Variants in RYR3 observed in about 807,000 individuals in gnomAD.
RYR3 encodes brain ryanodine receptor-calcium release channel.
RYR3 carries 207 observed loss-of-function variants against 584.3 expected under a neutral mutation model. The ratio of observed to expected loss-of-function variants is 0.35; its 90% confidence interval spans 0.32 to 0.40. The LOEUF (loss-of-function observed/expected upper bound fraction) is 0.40. RYR3 is among the 10% of genes least tolerant of loss of function. The pLI is 1.00. For synonymous variants in RYR3, 2,416 were observed against 2,248.5 expected, an observed-to-expected ratio of 1.07 and a Z score of -2.11; for missense variants, 5,616 against 6,089.2, an observed-to-expected ratio of 0.92 and a Z score of 2.59.
intron 84 of RYR3, 63 bp downstream of exon 84, chr15:33,826,815 C>A (rs936289147): frequency 1.7e-6 from 2 of 1,162,542 alleles, no homozygotes; most frequent in African/African-American, 1.5e-5. Flanking sequence ...GAATTCCGTT[C>A]AGTATGCCCC....
At chr15:33,508,518 C>T (rs544948963) in intron 3 of RYR3, among the ~76,000 whole-genome samples, 24 of 152,124 alleles carry the variant, frequency 1.6e-4, no homozygotes, top group African/African-American at 4.3e-4. Flanking sequence ...GGCATGGTGG[C>T]GGGCGCCTGT....
rs201722249 is a variant in RYR3 at position 33,539,302 on chromosome 15, A to G, written c.434-48A>G. 1.2e-5 allele frequency: 15 copies of G among 1,242,508 alleles called. No homozygotes were observed. In the Admixed American group the frequency reaches 2.4e-4, roughly 20 times the overall value. 77.0% of individuals were successfully genotyped at this position (1,242,508 alleles called of 1,614,324 possible). A position where few individuals can be genotyped will look rare whatever the true frequency, so the allele number is the denominator to read the frequency against. ...AGGAGAACAAGGAGCAAAATTAGGG[A>G]CACTGGCTTCTGTGAAGCAATGACT... On this transcript the variant is annotated intron_variant, in intron 5 of 103. Transcript: ENST00000634891.
chr15:33,704,620 T>C (rs115185193), intron 42 of RYR3, among the ~76,000 whole-genome samples: 3,296 of 152,330 alleles, frequency 0.022, 131 homozygotes, highest in African/African-American at 0.076. Flanking sequence ...CTCAGTGTTT[T>C]AGGTGGTATG....
Position 33,603,206 on chromosome 15 carries a change from T to C in RYR3, c.2006T>C (p.Val669Ala), listed in dbSNP as rs1454342365. The change falls in exon 18 of 104, where the codon GTG (valine) becomes GCG (alanine). Residue 669 changes from valine (V) to alanine (A), a missense_variant. Val to Ala is a moderately conservative substitution (Grantham distance 64). Coordinates refer to ENST00000634891, the MANE Select transcript of RYR3 (RefSeq NM_001036.6). ...TACTTCGAGCTGATTATCGACCAGG[T>C]GGACCCCTTCCTAACAGCAGAGCCC... is the stretch of plus-strand genomic sequence containing the variant. ...KWYFELIIDQ[V>A]DPFLTAEPTH... 1 of 1,613,766 alleles carries C rather than the reference T, an allele frequency of 6.2e-7. No homozygotes were observed. Among genetic ancestry groups the C allele is most frequent in the Non-Finnish European group, 8.5e-7 (1 of 1,179,854 alleles).
intron 32 of RYR3, among the ~76,000 whole-genome samples, chr15:33,653,446 G>A (rs1010424214): frequency 1.6e-4 from 24 of 152,126 alleles, no homozygotes; most frequent in Admixed American, 1.5e-3. Flanking sequence ...CCGAGGCGGG[G>A]GGATCATGAG....
chr15:33,328,144 A>G (rs146014377), intron 1 of RYR3, among the ~76,000 whole-genome samples: 1 of 152,368 alleles, frequency 6.6e-6, no homozygotes, highest in African/African-American at 2.4e-5. Context: ...CATATGCAGA[A>G]CAACCTAATA....
At chr15:33,864,738 CATTCAATGGG>C in intron 103 of RYR3, 1 of 190,048 alleles carries the variant, frequency 5.3e-6, no homozygotes. Context: ...ACAGTTCACT[CATTCAATGGG>C]AGAGGTACCT....
At chr15:33,735,530 T>G (rs2069375085) in intron 48 of RYR3, among the ~76,000 whole-genome samples, 1 of 152,236 alleles carries the variant, frequency 6.6e-6, no homozygotes, top group African/African-American at 2.4e-5. Flanking sequence ...TGTGTTTATG[T>G]GTGTACACCT....
At chr15:33,348,939 G>A (rs902842589) in intron 1 of RYR3, among the ~76,000 whole-genome samples, 6 of 151,628 alleles carry the variant, frequency 4.0e-5, no homozygotes, top group African/African-American at 1.5e-4. Context: ...TCCTCCCCCC[G>A]ACACCCTGGC....
chr15:33,549,984 G>T (rs1418078863), intron 9 of RYR3, among the ~76,000 whole-genome samples, 176 bp from the exon 10 acceptor site: 1 of 152,210 alleles, frequency 6.6e-6, no homozygotes, highest in East Asian at 1.9e-4. Context: ...GCACTATGCT[G>T]GGTTGTAGGC....
At chr15:33,780,746 A>T (rs937501966) in intron 65 of RYR3, among the ~76,000 whole-genome samples, 2 of 152,176 alleles carry the variant, frequency 1.3e-5, no homozygotes, top group Admixed American at 6.5e-5. Flanking sequence ...CTTCAAGTCC[A>T]TGGAGAGGCG....
At chr15:33,427,515 G>A (rs2044747522) in intron 1 of RYR3, among the ~76,000 whole-genome samples, 1 of 152,126 alleles carries the variant, frequency 6.6e-6, no homozygotes, top group Non-Finnish European at 1.5e-5. Flanking sequence ...TATATGTTAT[G>A]GGTATTCTCT....
rs1890140295 is a variant in RYR3, at chr15:33,865,330, A to G, written c.*104A>G. The G allele has an allele frequency of 1.3e-6, 1 of 790,482 alleles. No individual in the cohort carries two copies. 49.0% of individuals were successfully genotyped at this position (790,482 alleles called of 1,614,324 possible). On this transcript the variant is annotated 3_prime_UTR_variant, in exon 104 of 104. Coordinates refer to ENST00000634891, the MANE Select transcript of RYR3 (RefSeq NM_001036.6). Reference sequence around the variant, plus strand: ...ATATCTGAAATGTGACATTTTCTAAATGCCTCCCTTAAAAAAAAAACTGCT... The same window carrying G: ...ATATCTGAAATGTGACATTTTCTAAGTGCCTCCCTTAAAAAAAAAACTGCT...
chr15:33,401,564 A>G (rs144801756), intron 1 of RYR3, among the ~76,000 whole-genome samples: 86 of 152,360 alleles, frequency 5.6e-4, no homozygotes, highest in African/African-American at 1.9e-3. Context: ...AATTTTTTAC[A>G]TGGAAAAACA....
intron 1 of RYR3, among the ~76,000 whole-genome samples, chr15:33,379,643 ATGTG>A (rs147989530): frequency 1.5e-5 from 2 of 133,200 alleles, no homozygotes; most frequent in East Asian, 2.1e-4. Flanking sequence ...ATTTATGTGT[ATGTG>A]TGTGTGTGTG....
intron 3 of RYR3, among the ~76,000 whole-genome samples, chr15:33,504,856 T>C (rs1199963732): frequency 6.6e-6 from 1 of 152,180 alleles, no homozygotes; most frequent in Non-Finnish European, 1.5e-5. Flanking sequence ...ACAGCTTCCC[T>C]CCTCCTCTCT....
chr15:33,384,029 A>G (rs2041392741), intron 1 of RYR3, among the ~76,000 whole-genome samples: 1 of 152,156 alleles, frequency 6.6e-6, no homozygotes, highest in Non-Finnish European at 1.5e-5. Flanking sequence ...TAAATACCAC[A>G]TGTTGTCACT....
intron 1 of RYR3, among the ~76,000 whole-genome samples, chr15:33,430,852 G>A (rs2045081568): frequency 6.6e-6 from 1 of 152,192 alleles, no homozygotes; most frequent in Non-Finnish European, 1.5e-5. Flanking sequence ...CTCTGGGGGT[G>A]AGAGATGTCT....
chr15:33,568,578 A>G (rs2057845153), intron 12 of RYR3, among the ~76,000 whole-genome samples: 1 of 152,072 alleles, frequency 6.6e-6, no homozygotes, highest in Non-Finnish European at 1.5e-5. Flanking sequence ...CCACACATAA[A>G]TACCATTAGA....
Sources: gnomAD v4.1 joint callset for allele counts (sites outside exome capture counted in the v4.1 genomes callset) on GRCh38, gnomAD v4.1.1 for gene constraint, MANE v1.5 for transcripts, NCBI Gene and HGNC (gene_info 2026-07-23, HGNC 2026-07-21) for gene names.